Variants in UNC5C observed in about 807,000 individuals in gnomAD.
UNC5C encodes netrin receptor UNC5C.
UNC5C carries 47 observed loss-of-function variants against 99.8 expected under a neutral mutation model. The ratio of observed to expected loss-of-function variants is 0.47; its 90% CI spans 0.37 to 0.60. The LOEUF is 0.60. Among genes scored for constraint, UNC5C ranks in the 20% least tolerant of loss-of-function variants. The pLI is 0.00. For missense variants in UNC5C, 1,062 were observed against 1,165.9 expected, an observed-to-expected ratio of 0.91 and a Z score of 1.30; for synonymous variants, 487 against 452.2, an observed-to-expected ratio of 1.08 and a Z score of -0.98.
chr4:95,547,805 A>G (rs1008571787), intron 1 of UNC5C, among the ~76,000 whole-genome samples: 1 of 152,122 alleles, frequency 6.6e-6, no homozygotes, highest in Non-Finnish European at 1.5e-5. Flanking sequence ...AACACTTCAA[A>G]CTAGGCGGAC....
At chr4:95,243,491 T>C (rs1739397263) in intron 6 of UNC5C, among the ~76,000 whole-genome samples, 2 of 152,332 alleles carry the variant, frequency 1.3e-5, no homozygotes, top group African/African-American at 4.8e-5. Context: ...AGCTTTAAAA[T>C]ATTAATTTTC....
intron 2 of UNC5C, among the ~76,000 whole-genome samples, chr4:95,314,691 C>T (rs1353955365): frequency 1.3e-5 from 2 of 152,160 alleles, no homozygotes; most frequent in Non-Finnish European, 2.9e-5. Context: ...AGAATGTGAG[C>T]CCCCTCAGGG....
chr4:95,262,205 T>C (rs567211292), intron 4 of UNC5C, among the ~76,000 whole-genome samples: 1 of 152,320 alleles, frequency 6.6e-6, no homozygotes, highest in Non-Finnish European at 1.5e-5. Context: ...AAATCCTTTT[T>C]GCAAATCAGG....
At chr4:95,178,039 T>G (rs958916467) in intron 14 of UNC5C, among the ~76,000 whole-genome samples, 1 of 152,130 alleles carries the variant, frequency 6.6e-6, no homozygotes, top group Non-Finnish European at 1.5e-5. Context: ...CCTTCCTGGT[T>G]GGCTGGTATG....
chr4:95,256,093 C>T (rs534477300), intron 4 of UNC5C, among the ~76,000 whole-genome samples: 1 of 152,222 alleles, frequency 6.6e-6, no homozygotes, highest in African/African-American at 2.4e-5. Flanking sequence ...TCCTACATTG[C>T]TTCATGCCTC....
chr4:95,255,032 G>A (rs1478896240), intron 4 of UNC5C, among the ~76,000 whole-genome samples: 1 of 151,838 alleles, frequency 6.6e-6, no homozygotes, highest in African/African-American at 2.4e-5. Flanking sequence ...ACCGTGTGCA[G>A]TGGTACAATC....
chr4:95,437,089 A>G (rs1383604621), intron 1 of UNC5C, among the ~76,000 whole-genome samples: 2 of 151,792 alleles, frequency 1.3e-5, no homozygotes, highest in Admixed American at 1.3e-4. Context: ...GAGCAAATCC[A>G]AACCAATTAA....
chr4:95,186,340 A>G (rs1736828504), intron 12 of UNC5C, among the ~76,000 whole-genome samples: 1 of 152,252 alleles, frequency 6.6e-6, no homozygotes, highest in South Asian at 2.1e-4. Flanking sequence ...ACATGCATGG[A>G]TTGGGTACCC....
chr4:95,176,067 T>C (rs993426404), intron 14 of UNC5C, among the ~76,000 whole-genome samples: 3 of 151,670 alleles, frequency 2.0e-5, no homozygotes, highest in African/African-American at 4.9e-5. Context: ...CTTCACGTAG[T>C]TCTTGAGCCT....
intron 7 of UNC5C, among the ~76,000 whole-genome samples, chr4:95,231,985 C>T (rs1738928971): frequency 6.6e-6 from 1 of 152,138 alleles, no homozygotes; most frequent in Admixed American, 6.5e-5. Flanking sequence ...ATGGCCACAC[C>T]TCACTAAGCT....
chr4:95,277,022 T>C (rs1451337763), intron 4 of UNC5C, among the ~76,000 whole-genome samples: 1 of 152,216 alleles, frequency 6.6e-6, no homozygotes, highest in Non-Finnish European at 1.5e-5. Flanking sequence ...TGTTTGAGCT[T>C]GTTGTCAGGG....
chr4:95,245,529 T>C (rs1560751010), intron 5 of UNC5C, among the ~76,000 whole-genome samples: 1 of 152,162 alleles, frequency 6.6e-6, no homozygotes, highest in Non-Finnish European at 1.5e-5. Context: ...AGTCAATCTA[T>C]AGCATGGGAA....
rs1321052499 is a variant in UNC5C, at chr4:95,506,357, C to T, written c.124+42377G>A. Among the ~76,000 whole-genome samples, 8 of 151,868 alleles carry T rather than the reference C, an allele frequency of 5.3e-5. No individual in the cohort carries two copies. The East Asian group carries it at 1.5e-3, about 29-fold the overall frequency. On this transcript the variant is annotated intron_variant, in intron 1 of 15. Transcript: ENST00000453304. ...CAGATGAGTAATTATCATAAATTAC[C>T]ACATTTGACTGATGCCCAATAGCAC...
chr4:95,437,248 TA>T (rs929800001), intron 1 of UNC5C, among the ~76,000 whole-genome samples: 1 of 151,830 alleles, frequency 6.6e-6, no homozygotes, highest in African/African-American at 2.4e-5. Flanking sequence ...GTATTTTATT[TA>T]AAATATTACA....
chr4:95,223,377 T>C (rs1738549205), intron 7 of UNC5C, among the ~76,000 whole-genome samples: 1 of 152,146 alleles, frequency 6.6e-6, no homozygotes, highest in African/African-American at 2.4e-5. Flanking sequence ...GGAAAACAAG[T>C]TTCACAATTA....
intron 1 of UNC5C, among the ~76,000 whole-genome samples, chr4:95,365,641 C>G (rs1744537067): frequency 6.6e-6 from 1 of 151,974 alleles, no homozygotes; most frequent in East Asian, 1.9e-4. Context: ...TCAAATGTGT[C>G]AAAGTGCCAA....
chr4:95,373,559 T>G (rs1390841676), intron 1 of UNC5C, among the ~76,000 whole-genome samples: 2 of 152,176 alleles, frequency 1.3e-5, no homozygotes, highest in Non-Finnish European at 2.9e-5. Flanking sequence ...ATTGTTGATG[T>G]GTTGATATGA....
intron 7 of UNC5C, among the ~76,000 whole-genome samples, chr4:95,237,555 C>T (rs115178156): frequency 0.028 from 4,291 of 152,072 alleles, 76 homozygotes; most frequent in South Asian, 0.075. Flanking sequence ...AACTGGTAAA[C>T]AATTTAGAAA....
At chr4:95,461,699 C>A (rs1392652839) in intron 1 of UNC5C, among the ~76,000 whole-genome samples, 5 of 152,130 alleles carry the variant, frequency 3.3e-5, no homozygotes, top group Non-Finnish European at 7.4e-5. Flanking sequence ...ATTTGGCAAG[C>A]CCACCGGCAG....
Sources: gnomAD v4.1 joint callset for allele counts (sites outside exome capture counted in the v4.1 genomes callset) on GRCh38, gnomAD v4.1.1 for gene constraint, MANE v1.5 for transcripts, NCBI Gene and HGNC (gene_info 2026-07-23, HGNC 2026-07-21) for gene names.